NKAIN2: variants seen among roughly 807,000 people sequenced by gnomAD.
NKAIN2 encodes the protein sodium/potassium transporting ATPase interacting 2.
In NKAIN2, 14 loss-of-function variants were observed where a neutral mutation model predicts 32.6. The observed-to-expected ratio is 0.43, with a 90% CI of 0.28 to 0.67. The LOEUF is 0.67. Among genes scored for constraint, NKAIN2 ranks in the 30% least tolerant of loss-of-function variants. The pLI is 0.17. For synonymous variants in NKAIN2, 80 were observed against 87.2 expected, an observed-to-expected ratio of 0.92 and a Z score of 0.46; for missense variants, 198 against 258.3, an observed-to-expected ratio of 0.77 and a Z score of 1.60.
At chr6:124,378,681 C>T (rs918913) in intron 3 of NKAIN2, among the ~76,000 whole-genome samples, 106,290 of 151,982 alleles carry the variant, frequency 0.7, 37,275 homozygotes, top group Admixed American at 0.74. Context: ...TATTTTGTCA[C>T]TGCGCTTCCT....
intron 3 of NKAIN2, among the ~76,000 whole-genome samples, chr6:124,617,145 C>T (rs1782937573): frequency 6.6e-6 from 1 of 152,274 alleles, no homozygotes; most frequent in African/African-American, 2.4e-5. Context: ...CTCAAAGAAT[C>T]ATTGTAAGAA....
At chr6:124,359,792 A>G (rs1799181785) in intron 3 of NKAIN2, among the ~76,000 whole-genome samples, 2 of 152,178 alleles carry the variant, frequency 1.3e-5, no homozygotes, top group African/African-American at 4.8e-5. Context: ...TGCTCTGGCC[A>G]GAACTTCCAA....
chr6:124,530,067 A>T lies in NKAIN2; in HGVS notation c.274-128119A>T, dbSNP rs550749117. ...ATATGTATTAGTGACAGTTCTTCAG[A>T]GAACCAGAACCAATAGGATATACAC... On this transcript the variant is annotated intron_variant, in intron 3 of 6. Coordinates refer to ENST00000368417, the MANE Select transcript of NKAIN2 (RefSeq NM_001040214.3). Among the ~76,000 whole-genome samples the T allele has an allele frequency of 8.5e-5, 13 of 152,320 alleles. 1 individual carries two copies. The South Asian group carries it at 2.7e-3, about 32-fold the overall frequency.
intron 1 of NKAIN2, among the ~76,000 whole-genome samples, chr6:123,927,269 C>G (rs956406967): frequency 6.6e-6 from 1 of 152,150 alleles, no homozygotes; most frequent in Non-Finnish European, 1.5e-5. Flanking sequence ...CTTTAAGCCA[C>G]TAAGTTTTTT....
chr6:124,598,453 G>C (rs1156583486), intron 3 of NKAIN2, among the ~76,000 whole-genome samples: 2 of 152,068 alleles, frequency 1.3e-5, no homozygotes, highest in African/African-American at 4.8e-5. Flanking sequence ...CTCATACTGT[G>C]ATATATGGTT....
At chr6:123,975,512 A>T (rs1239986124) in intron 1 of NKAIN2, among the ~76,000 whole-genome samples, 1 of 152,174 alleles carries the variant, frequency 6.6e-6, no homozygotes, top group African/African-American at 2.4e-5. Context: ...CTCCAGAGAA[A>T]CAGAACTATC....
At chr6:124,616,888 C>T (rs1264669436) in intron 3 of NKAIN2, among the ~76,000 whole-genome samples, 2 of 151,848 alleles carry the variant, frequency 1.3e-5, no homozygotes, top group African/African-American at 4.8e-5. Flanking sequence ...GCGTGGTTAT[C>T]CTATTTCCTA....
At position 124,528,682 on chromosome 6, in the gene NKAIN2, G is replaced by GA. The variant is rs111980393; in HGVS notation, c.274-129498dup. On this transcript the variant is annotated intron_variant, in intron 3 of 6. Transcript: ENST00000368417. ...TTAATAACACTGCTGCATCTTTAAA[G>GA]AAAAAACAAGTATGTAAAAATCCTT... 5.6e-3 allele frequency among the ~76,000 whole-genome samples: 854 copies of GA among 152,042 alleles called. 6 individuals carry two copies. Among genetic ancestry groups the GA allele is most frequent in the South Asian group, 0.018 (85 of 4,810 alleles).
At position 123,895,858 on chromosome 6, in the gene NKAIN2, C is replaced by T. The variant is rs147538010; in HGVS notation, c.54+91604C>T. On this transcript the variant is annotated intron_variant, in intron 1 of 6. Coordinates refer to ENST00000368417, the MANE Select transcript of NKAIN2 (RefSeq NM_001040214.3). ...CATTGGACTCGAGAGGTTGATGAATCGCTATAACATTCGTTCGTCTCCCTT... is the reference window on the plus strand; with the variant it reads ...CATTGGACTCGAGAGGTTGATGAATTGCTATAACATTCGTTCGTCTCCCTT... 6.1e-3 allele frequency among the ~76,000 whole-genome samples: 924 copies of T among 152,144 alleles called. 7 individuals carry two copies. Among genetic ancestry groups the T allele is most frequent in the Non-Finnish European group, 8.5e-3 (576 of 68,008 alleles).
intron 1 of NKAIN2, among the ~76,000 whole-genome samples, chr6:124,209,033 C>T (rs892153896): frequency 1.3e-5 from 2 of 150,930 alleles, no homozygotes; most frequent in Non-Finnish European, 3.0e-5. Flanking sequence ...ATATAGTCAC[C>T]TTATTTTGGT....
chr6:124,015,760 T>C (rs1780540368), intron 1 of NKAIN2, among the ~76,000 whole-genome samples: 1 of 152,186 alleles, frequency 6.6e-6, no homozygotes, highest in African/African-American at 2.4e-5. Context: ...TACGCTCATA[T>C]AAGAGTCAGT....
chr6:124,547,482 T>A (rs1583421153), intron 3 of NKAIN2, among the ~76,000 whole-genome samples: 1 of 152,306 alleles, frequency 6.6e-6, no homozygotes, highest in East Asian at 1.9e-4. Context: ...CAATTATAAA[T>A]ACATACAGAA....
chr6:124,338,168 A>C (rs1409052968), intron 2 of NKAIN2, among the ~76,000 whole-genome samples: 1 of 152,194 alleles, frequency 6.6e-6, no homozygotes, highest in Non-Finnish European at 1.5e-5. Flanking sequence ...AAATGGTCAT[A>C]AAAATCTAAG....
At chr6:123,907,344 G>A (rs1774931912) in intron 1 of NKAIN2, among the ~76,000 whole-genome samples, 2 of 151,992 alleles carry the variant, frequency 1.3e-5, no homozygotes, top group African/African-American at 4.8e-5. Context: ...AAAATGTGAA[G>A]TTCTTTTAGA....
At chr6:124,700,879 C>CAA (rs1006376718) in intron 4 of NKAIN2, among the ~76,000 whole-genome samples, 1 of 150,600 alleles carries the variant, frequency 6.6e-6, no homozygotes, top group Non-Finnish European at 1.5e-5. Flanking sequence ...CTGACACACA[C>CAA]ACACACACAC....
intron 1 of NKAIN2, among the ~76,000 whole-genome samples, chr6:124,003,379 C>T (rs1779952400): frequency 6.6e-6 from 1 of 152,090 alleles, no homozygotes; most frequent in Admixed American, 6.6e-5. Context: ...GCATACAGAT[C>T]GTTAAACTCA....
intron 1 of NKAIN2, among the ~76,000 whole-genome samples, chr6:124,263,570 A>C (rs1562458520): frequency 6.6e-6 from 1 of 152,190 alleles, no homozygotes; most frequent in Admixed American, 6.6e-5. Flanking sequence ...TACATTTTAC[A>C]AAGTTGCATA....
At chr6:124,589,292 A>C (rs1781823062) in intron 3 of NKAIN2, among the ~76,000 whole-genome samples, 1 of 152,238 alleles carries the variant, frequency 6.6e-6, no homozygotes, top group South Asian at 2.1e-4. Flanking sequence ...ATGAGAATTC[A>C]ATAAGTGAAT....
At chr6:124,496,206 G>A (rs1209244058) in intron 3 of NKAIN2, among the ~76,000 whole-genome samples, 1 of 152,126 alleles carries the variant, frequency 6.6e-6, no homozygotes, top group African/African-American at 2.4e-5. Context: ...CTCGTCAAAT[G>A]TGCTTGTGTA....
Sources: gnomAD v4.1 joint callset for allele counts (sites outside exome capture counted in the v4.1 genomes callset) on GRCh38, gnomAD v4.1.1 for gene constraint, MANE v1.5 for transcripts, NCBI Gene and HGNC (gene_info 2026-07-23, HGNC 2026-07-21) for gene names.